CUL2: variants seen among roughly 807,000 people sequenced by gnomAD.
CUL2 encodes the protein cullin-2.
CUL2 carries 22 observed loss-of-function variants against 110.2 expected under a neutral mutation model. That is an observed-to-expected ratio of 0.20 (90% CI 0.14 to 0.28). The LOEUF (loss-of-function observed/expected upper bound fraction) is 0.28. Among genes scored for constraint, CUL2 ranks in the 10% least tolerant of loss-of-function variants. The probability of loss-of-function intolerance (pLI) is 1.00; values close to 1 mark genes in which losing one functional copy is unlikely to be tolerated. For missense variants in CUL2, 631 were observed against 905.5 expected, an observed-to-expected ratio of 0.70 and a Z score of 3.89; for synonymous variants, 279 against 293.2, an observed-to-expected ratio of 0.95 and a Z score of 0.49.
chr10:35,029,944 G>A (rs868855365), intron 14 of CUL2, among the ~76,000 whole-genome samples: 4 of 152,098 alleles, frequency 2.6e-5, no homozygotes, highest in Admixed American at 6.5e-5. Flanking sequence ...AAAATGCCCC[G>A]TTACTATACA....
chr10:35,032,644 A>G (rs2085507229), intron 11 of CUL2, 150 bp from the exon 12 acceptor site: 3 of 542,998 alleles, frequency 5.5e-6, no homozygotes, highest in African/African-American at 3.9e-5. Flanking sequence ...CATGCCTAAC[A>G]TGGTAGACTC....
intron 1 of CUL2, among the ~76,000 whole-genome samples, chr10:35,117,252 G>A (rs920738469): frequency 2.6e-5 from 4 of 152,164 alleles, no homozygotes; most frequent in Non-Finnish European, 5.9e-5. Context: ...GGCTGGTGTG[G>A]ACTGGCAGAG....
At chr10:35,034,340 A>G (rs73258713) in intron 10 of CUL2, among the ~76,000 whole-genome samples, 22 of 152,342 alleles carry the variant, frequency 1.4e-4, no homozygotes, top group African/African-American at 5.3e-4. Context: ...AAAATAGAAA[A>G]CTGTGGTAAA....
intron 17 of CUL2, among the ~76,000 whole-genome samples, chr10:35,017,031 T>C (rs982288180): frequency 7.2e-6 from 1 of 139,468 alleles, no homozygotes; most frequent in Non-Finnish European, 1.6e-5. Context: ...TAAAAGGAGG[T>C]GGGAGAAGGA....
At chr10:35,053,564 A>C (rs930655796) in intron 5 of CUL2, among the ~76,000 whole-genome samples, 8 of 152,360 alleles carry the variant, frequency 5.3e-5, no homozygotes, top group African/African-American at 1.9e-4. Context: ...ATGATTGCAA[A>C]GAATACTTTT....
intron 1 of CUL2, among the ~76,000 whole-genome samples, chr10:35,106,763 C>G (rs2087462476): frequency 6.6e-6 from 1 of 152,134 alleles, no homozygotes; most frequent in Non-Finnish European, 1.5e-5. Flanking sequence ...TTGCCCTTAC[C>G]TGGTTTTGAA....
chr10:35,064,653 ATTTT>A (rs1364116105), intron 2 of CUL2, among the ~76,000 whole-genome samples: 1 of 152,026 alleles, frequency 6.6e-6, no homozygotes, highest in African/African-American at 2.4e-5. Context: ...TTACTTATAA[ATTTT>A]TTATCAGTTC....
At chr10:35,123,146 C>G (rs1344210097) in intron 1 of CUL2, among the ~76,000 whole-genome samples, 1 of 67,528 alleles carries the variant, frequency 1.5e-5, no homozygotes, top group Admixed American at 2.3e-4. Context: ...TACAAACAAG[C>G]AAAACATAAC....
intron 1 of CUL2, among the ~76,000 whole-genome samples, chr10:35,081,527 C>T (rs2086947264): frequency 2.0e-5 from 3 of 152,178 alleles, no homozygotes; most frequent in Admixed American, 6.6e-5. Flanking sequence ...CATGACTAGG[C>T]AAGCCCATCG....
chr10:35,027,143 CTTTTT>C (rs35508150), intron 16 of CUL2, among the ~76,000 whole-genome samples: 2 of 127,584 alleles, frequency 1.6e-5, no homozygotes, highest in Non-Finnish European at 3.3e-5. Flanking sequence ...ACTTTAGATA[CTTTTT>C]TTTTTTTTTT....
chr10:35,075,647 C>T (rs2086798340), intron 1 of CUL2, among the ~76,000 whole-genome samples: 1 of 137,364 alleles, frequency 7.3e-6, no homozygotes, highest in African/African-American at 2.8e-5. Flanking sequence ...CACACACACA[C>T]ACACACACAC....
At chr10:35,056,237 A>G (rs994927699) in intron 4 of CUL2, among the ~76,000 whole-genome samples, 1 of 152,356 alleles carries the variant, frequency 6.6e-6, no homozygotes, top group East Asian at 1.9e-4. Flanking sequence ...CTGAATAAAT[A>G]AATGGATAAC....
At chr10:35,103,470 G>A (rs551081618) in intron 1 of CUL2, among the ~76,000 whole-genome samples, 9 of 151,692 alleles carry the variant, frequency 5.9e-5, no homozygotes, top group Non-Finnish European at 1.2e-4. Context: ...GACTACAGGC[G>A]CGCGCCACCA....
chr10:35,034,739 G>C (rs868131720), intron 10 of CUL2, among the ~76,000 whole-genome samples: 2 of 152,152 alleles, frequency 1.3e-5, no homozygotes, highest in Non-Finnish European at 2.9e-5. Context: ...TATACTTACA[G>C]AAGATTATTT....
intron 17 of CUL2, among the ~76,000 whole-genome samples, chr10:35,022,801 C>T (rs2085235069): frequency 6.6e-6 from 1 of 152,152 alleles, no homozygotes; most frequent in Non-Finnish European, 1.5e-5. Context: ...AATCCCAGCA[C>T]TTTAGGAGGC....
intron 6 of CUL2, among the ~76,000 whole-genome samples, chr10:35,048,374 A>T (rs1005938019): frequency 6.6e-6 from 1 of 152,154 alleles, no homozygotes; most frequent in Non-Finnish European, 1.5e-5. Flanking sequence ...TTTTTCTTAC[A>T]TTGTTTCCTT....
In CUL2 at chr10:35,065,229, G is replaced by A. The variant is rs113052031; in HGVS notation, c.120-2167C>T. Among the ~76,000 whole-genome samples the A allele has an allele frequency of 6.2e-3, 942 of 152,232 alleles. 12 individuals carry two copies. The highest frequency in any genetic ancestry group is 0.022 in the African/African-American group (894 of 41,538). Reference sequence around the variant, plus strand: ...AACACTCAGTTATGACTTGATTATAGACAAGACACTTTAAAAGACAAAAAA... The same window carrying A: ...AACACTCAGTTATGACTTGATTATAAACAAGACACTTTAAAAGACAAAAAA... On this transcript the variant is annotated intron_variant, in intron 2 of 20. Coordinates refer to ENST00000374749, the MANE Select transcript of CUL2 (RefSeq NM_003591.4).
At position 35,104,742 on chromosome 10, in the gene CUL2, T is replaced by TG. The variant is rs199665263; in HGVS notation, c.-50-3683dup. Among the ~76,000 whole-genome samples the TG allele has an allele frequency of 5.5e-3, 834 of 150,740 alleles. 13 individuals are homozygous for TG. The highest frequency in any genetic ancestry group is 0.026 in the Admixed American group (397 of 15,076). ...CTAAACGAAGAATCAAAGACTTTTC[T>TG]GGGGGGGGGACAGTCTTGCTCTTGT... On this transcript the variant is annotated intron_variant, in intron 1 of 5. Coordinates refer to the CUL2 transcript ENST00000685421.
At chr10:35,091,561 G>C (rs2135086742), upstream of CUL2, among the ~76,000 whole-genome samples, 1 of 151,842 alleles carries the variant, frequency 6.6e-6, no homozygotes, top group Non-Finnish European at 1.5e-5. Flanking sequence ...GGAAATCCCT[G>C]AGACCTTTAC....
Sources: gnomAD v4.1 joint callset for allele counts (sites outside exome capture counted in the v4.1 genomes callset) on GRCh38, gnomAD v4.1.1 for gene constraint, MANE v1.5 for transcripts, NCBI Gene and HGNC (gene_info 2026-07-23, HGNC 2026-07-21) for gene names.